MAPT: variants seen among roughly 807,000 people sequenced by gnomAD.
MAPT encodes microtubule-associated protein tau.
MAPT carries 34 observed loss-of-function variants against 67.9 expected under a neutral mutation model. The ratio of observed to expected loss-of-function variants is 0.50; its 90% CI spans 0.38 to 0.67. The LOEUF (loss-of-function observed/expected upper bound fraction) is 0.67. Among genes scored for constraint, MAPT ranks in the 30% least tolerant of loss-of-function variants. The pLI is 0.00. For missense variants in MAPT, 881 were observed against 1,115.2 expected, an observed-to-expected ratio of 0.79 and a Z score of 2.99; for synonymous variants, 456 against 464.5, an observed-to-expected ratio of 0.98 and a Z score of 0.23.
intron 1 of MAPT, among the ~76,000 whole-genome samples, chr17:45,937,010 C>A (rs888576396): frequency 1.3e-5 from 2 of 152,182 alleles, no homozygotes; most frequent in Non-Finnish European, 2.9e-5. Context: ...AGGAGCTCCC[C>A]ACTCCCCGTC....
At position 46,024,769 on chromosome 17, in the gene MAPT, G is replaced by C; in HGVS notation, c.*598G>C. ...AGCACAAGAAGTGGGAGTGGGAGAG[G>C]AAGCCACGTGCTGGAGAGTAGACAT... On this transcript the variant is annotated 3_prime_UTR_variant, in exon 13 of 13. Transcript: ENST00000262410. 5.5e-6 allele frequency: 1 copy of C among 182,844 alleles called. No individual in the cohort carries two copies. Among genetic ancestry groups the C allele is most frequent in the Non-Finnish European group, 1.2e-5 (1 of 85,554 alleles). 11.3% of individuals were successfully genotyped at this position (182,844 alleles called of 1,614,324 possible). A position where few individuals can be genotyped will look rare whatever the true frequency, so the allele number is the denominator to read the frequency against.
At chr17:45,941,753 T>G (rs1034807386) in intron 1 of MAPT, among the ~76,000 whole-genome samples, 4 of 146,822 alleles carry the variant, frequency 2.7e-5, no homozygotes, top group Admixed American at 7.0e-5. Flanking sequence ...CTTCCTTCCT[T>G]CCTGGTATGT....
chr17:45,972,186 G>T (rs576065695), intron 3 of MAPT: 3 of 670,458 alleles, frequency 4.5e-6, no homozygotes, highest in East Asian at 5.8e-5. Flanking sequence ...ACAGTCCCGC[G>T]CACAGCTCCA....
At chr17:46,005,447 C>A (rs1311645157) in intron 9 of MAPT, among the ~76,000 whole-genome samples, 1 of 152,202 alleles carries the variant, frequency 6.6e-6, no homozygotes, top group East Asian at 1.9e-4. Context: ...GCCTTATCCA[C>A]TGAAAAGTTA....
In MAPT at chr17:45,996,765, G is replaced by T. The variant is rs371014524; in HGVS notation, c.1998+101G>T. 1.3e-6 allele frequency: 2 copies of T among 1,501,130 alleles called. No homozygotes were observed. The highest frequency in any genetic ancestry group is 1.3e-5 in the South Asian group (1 of 77,918). The allele number at this position is 1,501,130 out of a possible 1,614,324, so 93.0% of individuals were successfully genotyped here. On this transcript the variant is annotated intron_variant, in intron 9 of 12. Transcript: ENST00000262410. The surrounding 1 kb of genome is among the most constrained non-coding windows in gnomAD (Gnocchi z 4.5). ...GCTGCGCCTGGAGGTGCGCGGTTGAGCGTGGAGTCGTGGGACTGTGCATGG... is the reference window on the plus strand; with the variant it reads ...GCTGCGCCTGGAGGTGCGCGGTTGATCGTGGAGTCGTGGGACTGTGCATGG...
At chr17:46,012,645 C>T (rs1432361103) in intron 10 of MAPT, among the ~76,000 whole-genome samples, 1 of 152,110 alleles carries the variant, frequency 6.6e-6, no homozygotes, top group Admixed American at 6.5e-5. Context: ...GGAAGCTCTG[C>T]AGGGCCTGCT....
At chr17:46,022,443 A>C (rs62062292) in intron 12 of MAPT, among the ~76,000 whole-genome samples, 21,712 of 151,960 alleles carry the variant, frequency 0.14, 2,115 homozygotes, top group Middle Eastern at 0.22. Context: ...TGAACAAAAT[A>C]TGCATCTAGC....
chr17:45,999,281 T>C (rs756936873), intron 9 of MAPT: 2 of 1,612,754 alleles, frequency 1.2e-6, no homozygotes, highest in Non-Finnish European at 1.7e-6. Context: ...GTCTGGGCCA[T>C]GAGTGAGGGT....
intron 1 of MAPT, among the ~76,000 whole-genome samples, chr17:45,946,615 A>AAAAAAAAAAAAAAAAATATATATATAT: frequency 1.0e-5 from 1 of 100,406 alleles, no homozygotes; most frequent in Admixed American, 1.1e-4. Flanking sequence ...AAAAAAAAAA[A>AAAAAAAAAAAAAAAAATATATATATAT]ATATATATAT....
At chr17:45,900,058 G>A (rs1399755500) in intron 1 of MAPT, among the ~76,000 whole-genome samples, 3 of 152,170 alleles carry the variant, frequency 2.0e-5, no homozygotes, top group African/African-American at 4.8e-5. Context: ...AAGCGTTGGC[G>A]CCCACTGATG....
Position 45,915,114 on chromosome 17 carries a change from T to G in MAPT, c.-18+20428T>G, listed in dbSNP as rs548305127. Among the ~76,000 whole-genome samples the G allele has an allele frequency of 6.6e-5, 10 of 152,320 alleles. No individual in the cohort carries two copies. The highest frequency in any genetic ancestry group is 1.3e-4 in the Non-Finnish European group (9 of 68,032). On this transcript the variant is annotated intron_variant, in intron 1 of 12. Coordinates refer to ENST00000262410, the MANE Select transcript of MAPT (RefSeq NM_001377265.1). The surrounding 1 kb of genome is among the most constrained non-coding windows in gnomAD (Gnocchi z 4.4). ...CGGAAGAAGGGTTCTTTTAAAAGGC[T>G]CCTCAAGTGATGCTGGCAGGCATGA...
chr17:46,006,797 C>A (rs969649797), intron 9 of MAPT, among the ~76,000 whole-genome samples: 2 of 151,966 alleles, frequency 1.3e-5, no homozygotes, highest in Admixed American at 1.3e-4. Flanking sequence ...GTGGTGGGCG[C>A]CTGTAGTCCC....
chr17:45,907,497 C>T (rs1368393414), intron 1 of MAPT, among the ~76,000 whole-genome samples: 1 of 152,162 alleles, frequency 6.6e-6, no homozygotes, highest in African/African-American at 2.4e-5. Context: ...CTTTCCTTCT[C>T]CAGTCACAGA....
Position 45,962,400 on chromosome 17 carries a change from G to T in MAPT, c.63G>T (p.Gly21=), listed in dbSNP as rs200084740. 2 of 1,612,558 alleles carry T rather than the reference G, an allele frequency of 1.2e-6. No homozygotes were observed. Among genetic ancestry groups the T allele is most frequent in the Non-Finnish European group, 1.7e-6 (2 of 1,179,954 alleles). ...MEDHAGTYGL[G]DRKDQGGYTM... ...ATCACGCTGGGACGTACGGGTTGGG[G>T]GACAGGAAAGATCAGGGGGGCTACA... Residue 21 remains glycine, a synonymous_variant, in exon 2 of 13, where the codon GGG becomes GGT. Coordinates refer to ENST00000262410, the MANE Select transcript of MAPT (RefSeq NM_001377265.1).
chr17:45,987,760 G>A (rs1015439776), intron 6 of MAPT, among the ~76,000 whole-genome samples: 2 of 152,218 alleles, frequency 1.3e-5, no homozygotes, highest in African/African-American at 2.4e-5. Flanking sequence ...GGCTGCTCCC[G>A]GAAGTGCCTG....
In MAPT at chr17:45,896,348, C is replaced by G. The variant is rs1019756257; in HGVS notation, c.-18+1662C>G. On this transcript the variant is annotated intron_variant, in intron 1 of 12. Transcript: ENST00000262410. This position sits in a 1 kb window ranked among gnomAD's most constrained non-coding sequence, Gnocchi z 5.6. ...CCACACCAGGTTGCCCAGCGAGGGA[C>G]GCTGGCTACCCATCCGGGGATGGGT... 6.6e-6 allele frequency: 1 copy of G among 152,248 alleles called. No homozygotes were observed. The highest frequency in any genetic ancestry group is 2.4e-5 in the African/African-American group (1 of 41,464). The allele number at this position is 152,248 out of a possible 1,614,324, so 9.4% of individuals were successfully genotyped here.
chr17:45,976,475 G>A (rs1416371221), intron 3 of MAPT: 3 of 152,266 alleles, frequency 2.0e-5, no homozygotes, highest in Non-Finnish European at 4.4e-5. Flanking sequence ...TTCTAGAGTT[G>A]GGTGCATGTG....
intron 9 of MAPT, among the ~76,000 whole-genome samples, chr17:46,001,379 A>G (rs1268169371): frequency 1.3e-5 from 2 of 152,204 alleles, no homozygotes; most frequent in Admixed American, 6.5e-5. Flanking sequence ...AGTACAAGAA[A>G]AGAAATAAGA....
chr17:45,958,642 G>T (rs1265413531), intron 1 of MAPT, among the ~76,000 whole-genome samples: 1 of 151,138 alleles, frequency 6.6e-6, no homozygotes, highest in Non-Finnish European at 1.5e-5. Context: ...GATCACTTGA[G>T]CCCGGGAGGT....
Sources: gnomAD v4.1 joint callset for allele counts (sites outside exome capture counted in the v4.1 genomes callset) on GRCh38, gnomAD v4.1.1 for gene constraint, Gnocchi (gnomAD v3.1) non-coding constraint, MANE v1.5 for transcripts, NCBI Gene and HGNC (gene_info 2026-07-23, HGNC 2026-07-21) for gene names.